MOCOS: variants seen among roughly 807,000 people sequenced by gnomAD.
MOCOS encodes the protein human molybdenum cofactor sulfurase.
In MOCOS, 86 loss-of-function variants were observed where a neutral mutation model predicts 83.6. The ratio of observed to expected loss-of-function variants is 1.03; its 90% CI spans 0.86 to 1.23. MOCOS has a LOEUF of 1.23. Among genes scored for constraint, MOCOS ranks in the 50% most tolerant of loss-of-function variants. The pLI is 0.00. For synonymous variants in MOCOS, 445 were observed against 434.7 expected (o/e 1.02, Z -0.29); for missense variants, 1,120 against 1,126.9 (o/e 0.99, Z 0.09).
At chr18:36,200,996 G>A (rs1344642442) in intron 4 of MOCOS, among the ~76,000 whole-genome samples, 3 of 152,236 alleles carry the variant, frequency 2.0e-5, no homozygotes, top group African/African-American at 7.2e-5. Context: ...GGCAGGTGGT[G>A]TGGGTTATGC....
chr18:36,252,353 T>C (rs912353221), intron 11 of MOCOS, among the ~76,000 whole-genome samples: 1 of 152,112 alleles, frequency 6.6e-6, no homozygotes, highest in Non-Finnish European at 1.5e-5. Flanking sequence ...AGACTCTATA[T>C]CTGCAAAATA....
Position 36,205,149 on chromosome 18 carries a change from A to C in MOCOS, c.1091A>C (p.Gln364Pro). ...ACCTACGTGGCCCTGTCCTCTCTCC[A>C]GTACCCCAATGGAGCCCCTGTGGTG... Reference protein sequence around the residue: ...QYTYVALSSLQYPNGAPVVRI... With the variant: ...QYTYVALSSLPYPNGAPVVRI... Residue 364 changes from glutamine to proline, a missense_variant, in exon 6 of 15, where the codon CAG becomes CCG. Coordinates refer to ENST00000261326, the MANE Select transcript of MOCOS (RefSeq NM_017947.4). 1 of 1,613,890 alleles carries C rather than the reference A, an allele frequency of 6.2e-7. No homozygotes were observed. The highest frequency in any genetic ancestry group is 8.5e-7 in the Non-Finnish European group (1 of 1,179,870).
intron 6 of MOCOS, among the ~76,000 whole-genome samples, chr18:36,210,384 C>T (rs1242592168): frequency 6.6e-6 from 1 of 152,120 alleles, no homozygotes; most frequent in Non-Finnish European, 1.5e-5. Context: ...ACCCCTTGCC[C>T]CCACTGCCCT....
chr18:36,217,792 G>A (rs535643755), intron 8 of MOCOS, among the ~76,000 whole-genome samples: 15 of 152,192 alleles, frequency 9.9e-5, no homozygotes, highest in Non-Finnish European at 2.2e-4. Flanking sequence ...TGGAGGGGAT[G>A]TATGAAACTT....
chr18:36,189,072 G>A (rs1237872229), intron 1 of MOCOS, among the ~76,000 whole-genome samples: 2 of 150,632 alleles, frequency 1.3e-5, no homozygotes, highest in South Asian at 2.1e-4. Flanking sequence ...TATCAGCACC[G>A]CACCTCCTTA....
rs543022915 is a variant in MOCOS, at chr18:36,195,615, C to A, written c.232+269C>A. ...GGAAGGGCACAGAGATTCAAAGGTG[C>A]TGTATTTGGTGGTGGTGAGTGACCC... is the stretch of plus-strand genomic sequence containing the variant. On this transcript the variant is annotated intron_variant, in intron 2 of 14. Coordinates refer to ENST00000261326, the MANE Select transcript of MOCOS (RefSeq NM_017947.4). Among the ~76,000 whole-genome samples, 5 of 152,230 alleles carry A rather than the reference C, an allele frequency of 3.3e-5. No homozygotes were observed. In the East Asian group the frequency reaches 9.7e-4, roughly 29 times the overall value.
chr18:36,227,705 C>T (rs962758195), intron 9 of MOCOS, among the ~76,000 whole-genome samples: 1 of 152,112 alleles, frequency 6.6e-6, no homozygotes, highest in African/African-American at 2.4e-5. Context: ...CCATGCCCAA[C>T]TAAATTTTTA....
intron 1 of MOCOS, among the ~76,000 whole-genome samples, chr18:36,187,979 C>A (rs1280090702): frequency 2.6e-5 from 4 of 152,228 alleles, no homozygotes; most frequent in Admixed American, 6.5e-5. Flanking sequence ...CCCTCTCTTG[C>A]GGGAGACCCC....
chr18:36,257,211 G>T, intron 12 of MOCOS, 138 bp downstream of exon 12: 1 of 773,518 alleles, frequency 1.3e-6, no homozygotes, highest in South Asian at 1.4e-5. Context: ...AGAAACTGAG[G>T]CCCTGAGAAG....
At chr18:36,198,839 G>T in intron 3 of MOCOS, 83 bp downstream of exon 3, 6 of 1,462,554 alleles carry the variant, frequency 4.1e-6, no homozygotes, top group Non-Finnish European at 4.8e-6. Context: ...TCCCACAAAA[G>T]TTCTGAGTTG....
intron 8 of MOCOS, among the ~76,000 whole-genome samples, chr18:36,218,790 C>T (rs1172795147): frequency 6.6e-6 from 1 of 151,618 alleles, no homozygotes; most frequent in African/African-American, 2.4e-5. Flanking sequence ...AAAGTGCTGG[C>T]GTTACAGACA....
At chr18:36,246,698 G>A (rs115885911) in intron 9 of MOCOS, among the ~76,000 whole-genome samples, 2,797 of 152,328 alleles carry the variant, frequency 0.018, 84 homozygotes, top group African/African-American at 0.064. Context: ...GTTAACCAGG[G>A]TGTTGCAGGT....
Position 36,205,260 on chromosome 18 carries a change from TC to T in MOCOS, c.1203del (p.Ile402LeufsTer34), listed in dbSNP as rs750779426. 1.2e-6 allele frequency: 2 copies of T among 1,613,686 alleles called. No homozygotes were observed. The highest frequency in any genetic ancestry group is 3.3e-5 in the Admixed American group (2 of 59,996). Reference protein sequence around the residue: ...NFNVLDDKGNIIGYSQVDKMA... With the variant: ...NFNVLDDKGNXIGYSQVDKMA... ...AATGTGCTGGATGACAAAGGGAACA[TC>T]ATTGGTTACTCCCAGGTGGGTTTTC... On this transcript the variant is annotated frameshift_variant, in exon 6 of 15. Transcript: ENST00000261326. LOFTEE classifies it high-confidence loss of function.
rs1253884578 is a variant in MOCOS, at chr18:36,214,201, G to A, written c.1335+719G>A. ...GGTTGTGGTGGTGAGCTGAGATTCT[G>A]CCATTGCACTCCAGCCTGGGCAAAA... On this transcript the variant is annotated intron_variant, in intron 7 of 14. Transcript: ENST00000261326. Among the ~76,000 whole-genome samples, 17 of 131,116 alleles carry A rather than the reference G, an allele frequency of 1.3e-4. No individual in the cohort carries two copies. In the Admixed American group the frequency reaches 1.6e-3, roughly 12 times the overall value. The allele number at this position is 131,116 out of a possible 152,430, so 86.0% of individuals were successfully genotyped here.
chr18:36,244,595 T>C (rs1333082633), intron 9 of MOCOS, among the ~76,000 whole-genome samples: 1 of 152,172 alleles, frequency 6.6e-6, no homozygotes, highest in Non-Finnish European at 1.5e-5. Flanking sequence ...ATGTATACTC[T>C]GCAGTTGTTG....
intron 11 of MOCOS, among the ~76,000 whole-genome samples, chr18:36,256,189 G>C (rs2091640951): frequency 6.6e-6 from 1 of 152,052 alleles, no homozygotes; most frequent in Admixed American, 6.5e-5. Context: ...ACCGCGCCTA[G>C]CCCTCCCTTT....
chr18:36,267,500 A>G (rs2091685691), intron 14 of MOCOS, among the ~76,000 whole-genome samples: 1 of 152,238 alleles, frequency 6.6e-6, no homozygotes, highest in African/African-American at 2.4e-5. Context: ...ATAAGCTGGC[A>G]AGTTAATTCA....
At chr18:36,267,334 T>C (rs2091685303) in intron 14 of MOCOS, among the ~76,000 whole-genome samples, 1 of 152,268 alleles carries the variant, frequency 6.6e-6, no homozygotes, top group African/African-American at 2.4e-5. Context: ...TTCCAATGTG[T>C]TGATTCTTTA....
chr18:36,201,759 A>T (rs150468385), intron 4 of MOCOS, among the ~76,000 whole-genome samples: 1 of 151,498 alleles, frequency 6.6e-6, no homozygotes, highest in Non-Finnish European at 1.5e-5. Context: ...AGGCTATTTG[A>T]TGCCTCTTTT....
Sources: allele counts gnomAD v4.1 joint callset (sites outside exome capture counted in the v4.1 genomes callset), GRCh38; gene constraint gnomAD v4.1.1; transcripts MANE v1.5; gene names NCBI Gene and HGNC (gene_info 2026-07-23, HGNC 2026-07-21).